Variants in NRAS observed in about 807,000 individuals in gnomAD.
NRAS encodes NRAS proto-oncogene, GTPase.
NRAS carries 6 observed loss-of-function variants against 21.3 expected under a neutral mutation model. The observed-to-expected ratio is 0.28, with a 90% CI of 0.15 to 0.56. NRAS has a LOEUF of 0.56. Among genes scored for constraint, NRAS ranks in the 20% least tolerant of loss-of-function variants. The probability of loss-of-function intolerance (pLI) is 0.93; values close to 1 mark genes in which losing one functional copy is unlikely to be tolerated. For synonymous variants in NRAS, 84 were observed against 82.0 expected (o/e 1.02, Z -0.13); for missense variants, 143 against 231.3 (o/e 0.62, Z 2.48).
intron 3 of NRAS, among the ~76,000 whole-genome samples, chr1:114,710,296 T>C (rs992170081): frequency 7.4e-6 from 1 of 134,928 alleles, no homozygotes; most frequent in Non-Finnish European, 1.6e-5. Context: ...TATATAAATA[T>C]ATATAATTTA....
intron 3 of NRAS, among the ~76,000 whole-genome samples, chr1:114,710,579 G>C (rs1659024990): frequency 6.6e-6 from 1 of 151,982 alleles, no homozygotes; most frequent in African/African-American, 2.4e-5. Context: ...GCGAGAGAAA[G>C]AGAGAGCGAG....
intron 5 of NRAS, 68 bp downstream of exon 5, chr1:114,708,463 G>A (rs1042137071): frequency 2.8e-6 from 4 of 1,403,658 alleles, no homozygotes; most frequent in Non-Finnish European, 4.0e-6. Context: ...AATAACACCA[G>A]CACTCCTCCA....
rs569348028 is a variant in NRAS at position 114,706,181 on chromosome 1, A to G, written c.*1913T>C. The stretch of plus-strand genomic sequence containing the variant: ...AGGTTCATTATACTCTGGACACAGT[A>G]TATGTTTCTTCTCTTCTGAATTTCA... On this transcript the variant is annotated 3_prime_UTR_variant, in exon 7 of 7. Transcript: ENST00000369535. 6 of 152,326 alleles carry G rather than the reference A, an allele frequency of 3.9e-5. No individual in the cohort carries two copies. In the East Asian group the frequency reaches 9.6e-4, roughly 24 times the overall value. The allele number at this position is 152,326 out of a possible 1,614,324, so 9.4% of individuals were successfully genotyped here.
At chr1:114,710,787 G>A (rs1659029086) in intron 3 of NRAS, among the ~76,000 whole-genome samples, 1 of 152,194 alleles carries the variant, frequency 6.6e-6, no homozygotes, top group Admixed American at 6.5e-5. Flanking sequence ...TCTAATGGGA[G>A]TGGATGGGTA....
At chr1:114,713,670 G>T in intron 3 of NRAS, 130 bp downstream of exon 3, 1 of 761,810 alleles carries the variant, frequency 1.3e-6, no homozygotes, top group Non-Finnish European at 2.3e-6. Flanking sequence ...GATTCTCAAT[G>T]TCAAACAACC....
In NRAS at chr1:114,705,074, T is replaced by C. The variant is rs550638204; in HGVS notation, c.*3020A>G. The C allele has an allele frequency of 6.6e-6, 1 of 152,230 alleles. No homozygotes were observed. Among genetic ancestry groups the C allele is most frequent in the South Asian group, 2.1e-4 (1 of 4,830 alleles). 9.4% of individuals were successfully genotyped at this position (152,230 alleles called of 1,614,324 possible). A position where few individuals can be genotyped will look rare whatever the true frequency, so the allele number is the denominator to read the frequency against. On this transcript the variant is annotated 3_prime_UTR_variant, in exon 7 of 7. Coordinates refer to ENST00000369535, the MANE Select transcript of NRAS (RefSeq NM_002524.5). ...TTGGTTGTAGCTGCCAACTTAGGAGTTCATGACTATAAATATAAAGCAAAT... is the reference window on the plus strand; with the variant it reads ...TTGGTTGTAGCTGCCAACTTAGGAGCTCATGACTATAAATATAAAGCAAAT...
chr1:114,712,788 T>C (rs1449608031), intron 3 of NRAS, among the ~76,000 whole-genome samples: 1 of 152,222 alleles, frequency 6.6e-6, no homozygotes, highest in Non-Finnish European at 1.5e-5. Flanking sequence ...CACAACTCTA[T>C]GAGGTAGGTA....
chr1:114,710,373 G>C (rs1659019967), intron 3 of NRAS, among the ~76,000 whole-genome samples: 1 of 145,536 alleles, frequency 6.9e-6, no homozygotes, highest in African/African-American at 2.5e-5. Flanking sequence ...TATTATAGCT[G>C]GGTGTGGTGG....
Position 114,714,228 on chromosome 1 carries a change from C to T in NRAS, c.112-250G>A, listed in dbSNP as rs946993515. On this transcript the variant is annotated intron_variant, in intron 2 of 6. Coordinates refer to ENST00000369535, the MANE Select transcript of NRAS (RefSeq NM_002524.5). ...AGAAAAGAAATATGGTCACTGTGTT[C>T]CTGGAAAAGATTAAGAAAACACAGT... is the stretch of plus-strand genomic sequence containing the variant. Among the ~76,000 whole-genome samples the T allele has an allele frequency of 4.6e-5, 7 of 152,156 alleles. No homozygotes were observed. The East Asian group carries it at 1.3e-3, about 29-fold the overall frequency.
intron 4 of NRAS, among the ~76,000 whole-genome samples, chr1:114,709,294 G>A (rs9724637): frequency 1.7e-3 from 251 of 151,966 alleles, no homozygotes; most frequent in African/African-American, 4.9e-3. Context: ...AAAATTAGCC[G>A]GGCATGATGA....
intron 2 of NRAS, among the ~76,000 whole-genome samples, chr1:114,715,092 G>T (rs1300268213): frequency 6.6e-6 from 1 of 151,772 alleles, no homozygotes; most frequent in Non-Finnish European, 1.5e-5. Context: ...TCTGTGGTGT[G>T]ATCTCGGCTC....
At chr1:114,708,429 C>A in intron 5 of NRAS, 102 bp downstream of exon 5, 1 of 1,089,890 alleles carries the variant, frequency 9.2e-7, no homozygotes, top group Non-Finnish European at 1.4e-6. Context: ...AGAGGATAGG[C>A]AGAAACTCAA....
chr1:114,715,014 C>A (rs1375527626), intron 2 of NRAS, among the ~76,000 whole-genome samples: 2 of 152,006 alleles, frequency 1.3e-5, no homozygotes. Context: ...AATTACAAAA[C>A]CCTTTATTTA....
At chr1:114,714,839 G>C (rs1659119034) in intron 2 of NRAS, among the ~76,000 whole-genome samples, 1 of 152,052 alleles carries the variant, frequency 6.6e-6, no homozygotes, top group African/African-American at 2.4e-5. Flanking sequence ...AAATATTAAA[G>C]CTGTTAAGCT....
chr1:114,710,283 TAATA>T (rs1659016757), intron 3 of NRAS, among the ~76,000 whole-genome samples: 1 of 76,526 alleles, frequency 1.3e-5, no homozygotes, highest in Admixed American at 2.3e-4. Flanking sequence ...ATATAATTTA[TAATA>T]TATAAATATA....
chr1:114,709,393 C>A lies in NRAS; in HGVS notation c.450+176G>T, dbSNP rs9724635. 8.5e-3 allele frequency among the ~76,000 whole-genome samples: 1,282 copies of A among 151,676 alleles called. 16 individuals carry two copies. The highest frequency in any genetic ancestry group is 0.029 in the African/African-American group (1,206 of 41,296). Reference sequence around the variant, plus strand: ...GAGGCTGCAGTGAGCTGAGATCACACCACTGCACTCCAGCTTAGAAGATAG... The same window carrying A: ...GAGGCTGCAGTGAGCTGAGATCACAACACTGCACTCCAGCTTAGAAGATAG... On this transcript the variant is annotated intron_variant, in intron 4 of 6. Transcript: ENST00000369535.
At chr1:114,714,060 C>T in intron 2 of NRAS, 82 bp from the exon 3 acceptor site, 3 of 893,996 alleles carry the variant, frequency 3.4e-6, no homozygotes, top group Non-Finnish European at 5.2e-6. Context: ...AATGCTATTG[C>T]CAAGGTTAAA....
At chr1:114,708,304 T>C in intron 5 of NRAS, 112 bp from the exon 6 acceptor site, 1 of 566,786 alleles carries the variant, frequency 1.8e-6, no homozygotes, top group Admixed American at 3.1e-5. Context: ...ATAAATAATG[T>C]CTTATAATTT....
At position 114,708,192 on chromosome 1, in the gene NRAS, T is replaced by C. The variant is rs909455480; in HGVS notation, c.*5A>G. 11 of 256,622 alleles carry C rather than the reference T, an allele frequency of 4.3e-5. No individual in the cohort carries two copies. The highest frequency in any genetic ancestry group is 6.7e-5 in the Non-Finnish European group (9 of 133,542). The allele number at this position is 256,622 out of a possible 1,614,324, so 15.9% of individuals were successfully genotyped here. ...CTTTTCTGACAAAACTTTAAAAGTA[T>C]CTGTAAAAAAAGAACAGAAACCATG... is the stretch of plus-strand genomic sequence containing the variant. On this transcript the variant is annotated splice_region_variant and 3_prime_UTR_variant, in exon 6 of 7. Transcript: ENST00000369535.
Sources: allele counts gnomAD v4.1 joint callset (sites outside exome capture counted in the v4.1 genomes callset), GRCh38; gene constraint gnomAD v4.1.1; transcripts MANE v1.5; gene names NCBI Gene and HGNC (gene_info 2026-07-23, HGNC 2026-07-21).